GPC3: variants seen among roughly 807,000 people sequenced by gnomAD.
The protein encoded by GPC3 is glypican-3.
Under a neutral mutation model 34.4 loss-of-function variants are expected in GPC3, and 3 were observed. The observed-to-expected ratio is 0.09, with a 90% CI of 0.04 to 0.23. The LOEUF is 0.23. GPC3 is among the 10% of genes least tolerant of loss of function. GPC3 has a pLI of 1.00. For synonymous variants in GPC3, 177 were observed against 174.0 expected (o/e 1.02, Z -0.13); for missense variants, 351 against 445.6 (o/e 0.79, Z 1.91).
chrX:133,810,358 T>C (rs919885648), intron 2 of GPC3, among the ~76,000 whole-genome samples: 4 of 112,141 alleles, frequency 3.6e-5, no homozygotes, highest in Non-Finnish European at 7.5e-5. Context: ...GAATTCGTCA[T>C]CCTTCCTAAA....
chrX:133,694,452 C>T (rs1331233940), intron 4 of GPC3, among the ~76,000 whole-genome samples: 1 of 111,108 alleles, frequency 9.0e-6, no homozygotes, highest in African/African-American at 3.3e-5. Flanking sequence ...TAGTTCCTCA[C>T]AGAGGAAAAA....
intron 2 of GPC3, among the ~76,000 whole-genome samples, chrX:133,766,974 T>C (rs1049967281): frequency 1.8e-5 from 2 of 112,306 alleles, no homozygotes; most frequent in African/African-American, 6.5e-5. Context: ...GTTTTCATTT[T>C]ACAGATAAGA....
chrX:133,708,079 A>G (rs1245177602), intron 3 of GPC3, among the ~76,000 whole-genome samples: 1 of 111,878 alleles, frequency 8.9e-6, no homozygotes, highest in Non-Finnish European at 1.9e-5. Flanking sequence ...TTTTTTGCTC[A>G]GGATAATTTT....
At chrX:133,624,031 A>G (rs865786308) in intron 6 of GPC3, among the ~76,000 whole-genome samples, 3 of 112,184 alleles carry the variant, frequency 2.7e-5, no homozygotes, top group African/African-American at 6.5e-5. Flanking sequence ...ACTACATGGA[A>G]ACTGAACAAC....
chrX:133,637,248 A>G (rs1433619173), intron 6 of GPC3, among the ~76,000 whole-genome samples: 2 of 110,367 alleles, frequency 1.8e-5, no homozygotes, highest in Non-Finnish European at 3.8e-5. Context: ...CAGGCGGATC[A>G]CTTCAGGTCA....
intron 2 of GPC3, among the ~76,000 whole-genome samples, chrX:133,865,406 C>T (rs907267165): frequency 8.9e-6 from 1 of 111,781 alleles, no homozygotes; most frequent in Non-Finnish European, 1.9e-5. Context: ...ATTGTGATTT[C>T]ATATTGGAAA....
At chrX:133,661,668 C>T (rs1603215720) in intron 6 of GPC3, 62 bp downstream of exon 6, 1 of 274,731 alleles carries the variant, frequency 3.6e-6, no homozygotes, top group Non-Finnish European at 5.9e-6. Context: ...TCTCTCTCCC[C>T]CTCCTCCTCT....
chrX:133,576,676 A>C (rs1357157912), intron 7 of GPC3, among the ~76,000 whole-genome samples: 1 of 111,120 alleles, frequency 9.0e-6, no homozygotes, highest in Admixed American at 9.7e-5. Flanking sequence ...TCAGATGATG[A>C]ATTTCAAAGT....
At chrX:133,790,264 T>A (rs1279668338) in intron 2 of GPC3, among the ~76,000 whole-genome samples, 2 of 111,240 alleles carry the variant, frequency 1.8e-5, no homozygotes, top group Non-Finnish European at 3.8e-5. Context: ...ATTCTGGCAA[T>A]TGGCAAGGAC....
intron 3 of GPC3, among the ~76,000 whole-genome samples, chrX:133,743,240 C>T (rs2071580344): frequency 8.9e-6 from 1 of 112,820 alleles, no homozygotes; most frequent in Non-Finnish European, 1.9e-5. Flanking sequence ...TGCTGGAAGA[C>T]ATCTGCTCAG....
rs778511794 is a variant in GPC3, at chrX:133,680,223, T to C, written c.1292+12146A>G. 1.3e-4 allele frequency among the ~76,000 whole-genome samples: 15 copies of C among 111,820 alleles called. No homozygotes were observed. The South Asian group carries it at 5.7e-3, about 42-fold the overall frequency. Reference sequence around the variant, plus strand: ...CCTAATAGTATTTGGAAATTAGCTTTTCAGCATGAGTTCTTACATAGTGCA... The same window carrying C: ...CCTAATAGTATTTGGAAATTAGCTTCTCAGCATGAGTTCTTACATAGTGCA... On this transcript the variant is annotated intron_variant, in intron 5 of 7. Coordinates refer to ENST00000370818, the MANE Select transcript of GPC3 (RefSeq NM_004484.4).
chrX:133,850,495 G>A (rs1004118828), intron 2 of GPC3, among the ~76,000 whole-genome samples: 6 of 110,892 alleles, frequency 5.4e-5, no homozygotes, highest in South Asian at 7.7e-4. Context: ...TAGTATTTAC[G>A]TGGTAATCCT....
chrX:133,697,561 T>A (rs1412152953), intron 4 of GPC3, among the ~76,000 whole-genome samples: 1 of 111,802 alleles, frequency 8.9e-6, no homozygotes, highest in African/African-American at 3.3e-5. Flanking sequence ...ACTGCCACTC[T>A]TTTGCACCTA....
rs2076270902 is a variant in GPC3 at position 133,925,469 on chromosome X, G to A, written c.337+27581C>T. Among the ~76,000 whole-genome samples the A allele has an allele frequency of 1.8e-5, 2 of 111,771 alleles. 1 individual carries two copies. Among genetic ancestry groups the A allele is most frequent in the Non-Finnish European group, 3.8e-5 (2 of 53,222 alleles). The stretch of plus-strand genomic sequence containing the variant: ...AGGAAGTCTCTAATCAGGATTTTAA[G>A]GTATCTTCTCTGCTCAATATTTTTA... On this transcript the variant is annotated intron_variant, in intron 2 of 7. Transcript: ENST00000370818.
chrX:133,939,010 T>G (rs1569457075), intron 2 of GPC3, among the ~76,000 whole-genome samples: 1 of 111,949 alleles, frequency 8.9e-6, no homozygotes, highest in East Asian at 2.8e-4. Context: ...TCTCCTTCTT[T>G]CTTAAGCAAA....
intron 3 of GPC3, among the ~76,000 whole-genome samples, chrX:133,721,875 A>T (rs1331683651): frequency 8.9e-6 from 1 of 111,935 alleles, no homozygotes; most frequent in Non-Finnish European, 1.9e-5. Context: ...GGATTTGACA[A>T]TGTCCTCTTA....
At chrX:133,808,307 T>C (rs1345655887) in intron 2 of GPC3, among the ~76,000 whole-genome samples, 1 of 112,377 alleles carries the variant, frequency 8.9e-6, no homozygotes, top group Non-Finnish European at 1.9e-5. Flanking sequence ...TAACACACTC[T>C]GACTTTCCTT....
At chrX:133,834,061 T>C (rs1029532286) in intron 2 of GPC3, among the ~76,000 whole-genome samples, 1 of 112,714 alleles carries the variant, frequency 8.9e-6, no homozygotes, top group African/African-American at 3.2e-5. Context: ...TTAAATCTTC[T>C]CAACATCTTT....
intron 7 of GPC3, among the ~76,000 whole-genome samples, chrX:133,546,621 T>C (rs1480706004): frequency 1.8e-5 from 2 of 111,456 alleles, no homozygotes; most frequent in Non-Finnish European, 3.8e-5. Context: ...ATTTTGGAAA[T>C]AGTGGTGATG....
Sources: gnomAD v4.1 joint callset for allele counts (sites outside exome capture counted in the v4.1 genomes callset) on GRCh38, gnomAD v4.1.1 for gene constraint, MANE v1.5 for transcripts, NCBI Gene and HGNC (gene_info 2026-07-23, HGNC 2026-07-21) for gene names.